The following GALNT13 variants were observed in gnomAD, a reference collection of about 807,000 sequenced individuals.
GALNT13 encodes UDP-GalNAc:polypeptide N-acetylgalactosaminyltransferase 13.
GALNT13 carries 28 observed loss-of-function variants against 64.2 expected under a neutral mutation model. The ratio of observed to expected loss-of-function variants is 0.44; its 90% CI spans 0.32 to 0.60. The LOEUF (loss-of-function observed/expected upper bound fraction) is 0.60, where lower values mean the gene tolerates loss of function less well. Ranked by LOEUF, GALNT13 falls within the 20% of genes least tolerant of loss-of-function variation. The pLI is 0.05. For missense variants in GALNT13, 577 were observed against 669.8 expected (o/e 0.86, Z 1.53); for synonymous variants, 214 against 224.6 (o/e 0.95, Z 0.42).
intron 3 of GALNT13, among the ~76,000 whole-genome samples, chr2:154,020,877 A>G (rs1344627773): frequency 1.3e-5 from 2 of 152,066 alleles, no homozygotes; most frequent in African/African-American, 2.4e-5. Flanking sequence ...TAATTTTTGT[A>G]TAAGGTGTAA....
the GALNT13 span, among the ~76,000 whole-genome samples, chr2:153,805,336 G>C: frequency 6.6e-6 from 1 of 151,848 alleles, no homozygotes; most frequent in East Asian, 1.9e-4. Context: ...ATTCCAAAAC[G>C]AAATTGAGTA....
chr2:153,175,086 C>T, the GALNT13 span, among the ~76,000 whole-genome samples: 34 of 152,186 alleles, frequency 2.2e-4, no homozygotes, highest in African/African-American at 7.9e-4. Flanking sequence ...AAAAACATTC[C>T]CCTTCTGATA....
intron 3 of GALNT13, among the ~76,000 whole-genome samples, chr2:154,130,629 T>G (rs1682555331): frequency 6.6e-6 from 1 of 152,212 alleles, no homozygotes; most frequent in African/African-American, 2.4e-5. Flanking sequence ...AATTAATGTT[T>G]GGAGCTCTGT....
chr2:153,494,189 T>A, the GALNT13 span, among the ~76,000 whole-genome samples: 1 of 152,090 alleles, frequency 6.6e-6, no homozygotes, highest in South Asian at 2.1e-4. Context: ...CCTTTCTTAG[T>A]ATTGTTAAAA....
chr2:154,168,672 T>TAAAA (rs1559001255), intron 4 of GALNT13, among the ~76,000 whole-genome samples: 1 of 119,036 alleles, frequency 8.4e-6, no homozygotes. Context: ...ATCTCTACTA[T>TAAAA]TAAAAAAAAA....
At chr2:153,190,549 T>C in the GALNT13 span, among the ~76,000 whole-genome samples, 1 of 152,228 alleles carries the variant, frequency 6.6e-6, no homozygotes, top group African/African-American at 2.4e-5. Context: ...TTCTCAGTAT[T>C]GCTTTGGCTA....
chr2:153,086,134 G>C, the GALNT13 span, among the ~76,000 whole-genome samples: 1 of 152,208 alleles, frequency 6.6e-6, no homozygotes, highest in Admixed American at 6.5e-5. Context: ...TTTATCCAAA[G>C]CCTGTACTCT....
chr2:153,445,177 T>A, the GALNT13 span, among the ~76,000 whole-genome samples: 5 of 152,120 alleles, frequency 3.3e-5, no homozygotes, highest in Non-Finnish European at 5.9e-5. Flanking sequence ...AATACTTATA[T>A]GAAAACATGT....
At chr2:153,156,176 G>A in the GALNT13 span, among the ~76,000 whole-genome samples, 1 of 152,172 alleles carries the variant, frequency 6.6e-6, no homozygotes, top group East Asian at 1.9e-4. Context: ...TTTACAGTAA[G>A]GGCCATGTGG....
rs1005212518 is a variant in GALNT13, at chr2:153,986,929, A to G, written c.142+42290A>G. On this transcript the variant is annotated intron_variant, in intron 3 of 12. Transcript: ENST00000392825. ...GAAGGGAATGAGAAGAAATAATATA[A>G]TCAGATACACATTTTAAAATTTTTC... Among the ~76,000 whole-genome samples, 6 of 151,936 alleles carry G rather than the reference A, an allele frequency of 3.9e-5. No homozygotes were observed. The East Asian group carries it at 1.2e-3, about 29-fold the overall frequency.
chr2:153,673,773 G>T, the GALNT13 span, among the ~76,000 whole-genome samples: 1 of 152,100 alleles, frequency 6.6e-6, no homozygotes, highest in Non-Finnish European at 1.5e-5. Flanking sequence ...AATTGTCTCT[G>T]TTGCAGATGA....
the GALNT13 span, among the ~76,000 whole-genome samples, chr2:153,849,266 A>C: frequency 6.6e-6 from 1 of 152,218 alleles, no homozygotes; most frequent in Non-Finnish European, 1.5e-5. Context: ...AGAAGAAACT[A>C]TCTTAAACTG....
chr2:153,908,829 G>A (rs1025200924), intron 2 of GALNT13, among the ~76,000 whole-genome samples: 9 of 151,898 alleles, frequency 5.9e-5, no homozygotes, highest in Non-Finnish European at 1.0e-4. Context: ...AACATAATGC[G>A]TCCAACTTTG....
At chr2:153,476,168 G>T in the GALNT13 span, among the ~76,000 whole-genome samples, 1 of 152,212 alleles carries the variant, frequency 6.6e-6, no homozygotes, top group African/African-American at 2.4e-5. Context: ...ATCCTAGGTT[G>T]TGATTTCTAA....
At chr2:153,735,596 A>G in the GALNT13 span, among the ~76,000 whole-genome samples, 1 of 152,188 alleles carries the variant, frequency 6.6e-6, no homozygotes, top group Admixed American at 6.5e-5. Flanking sequence ...TGTCCTAACA[A>G]GGGTCTTTAT....
At chr2:153,599,868 T>C in the GALNT13 span, among the ~76,000 whole-genome samples, 1 of 151,964 alleles carries the variant, frequency 6.6e-6, no homozygotes, top group East Asian at 1.9e-4. Context: ...GTAGGATATT[T>C]TCCCCCTCTT....
At chr2:153,309,559 C>G in the GALNT13 span, among the ~76,000 whole-genome samples, 67 of 151,628 alleles carry the variant, frequency 4.4e-4, no homozygotes, top group East Asian at 0.012. Context: ...GACACATGCT[C>G]TCCTTGATTT....
chr2:153,424,731 A>G, the GALNT13 span, among the ~76,000 whole-genome samples: 1 of 151,880 alleles, frequency 6.6e-6, no homozygotes, highest in Non-Finnish European at 1.5e-5. Context: ...TAATAAAACT[A>G]GTAGCTGCAT....
chr2:153,312,736 GGCCATGTGTCTATTTCTGATT>G, the GALNT13 span, among the ~76,000 whole-genome samples: 1 of 152,134 alleles, frequency 6.6e-6, no homozygotes, highest in Non-Finnish European at 1.5e-5. Context: ...GACTGGGCTA[GGCCATGTGTCTATTTCTGATT>G]GGATCATCGC....
Sources: allele counts gnomAD v4.1 joint callset (sites outside exome capture counted in the v4.1 genomes callset), GRCh38; gene constraint gnomAD v4.1.1; transcripts MANE v1.5; gene names NCBI Gene and HGNC (gene_info 2026-07-23, HGNC 2026-07-21).